The following RASGEF1C variants were observed in gnomAD, a reference collection of about 807,000 sequenced individuals.
RASGEF1C encodes the protein ras-GEF domain-containing family member 1C.
A neutral mutation model predicts 58.1 loss-of-function variants in RASGEF1C; 27 were observed. The observed-to-expected ratio is 0.46, with a 90% CI of 0.34 to 0.64. The LOEUF (loss-of-function observed/expected upper bound fraction) is 0.64. RASGEF1C is among the 30% of genes least tolerant of loss of function. The pLI is 0.01. For missense variants in RASGEF1C, 502 were observed against 605.1 expected, an observed-to-expected ratio of 0.83 and a Z score of 1.79; for synonymous variants, 243 against 246.3, an observed-to-expected ratio of 0.99 and a Z score of 0.13.
At chr5:180,109,207 A>C (rs948421433) in intron 12 of RASGEF1C, among the ~76,000 whole-genome samples, 73 of 152,314 alleles carry the variant, frequency 4.8e-4, no homozygotes, top group African/African-American at 1.6e-3. Flanking sequence ...CTGTAATCCC[A>C]GCACTTTGGG....
rs188134593 is a variant in RASGEF1C at position 180,202,160 on chromosome 5, G to A, written c.-7+6868C>T. Among the ~76,000 whole-genome samples, 50 of 152,198 alleles carry A rather than the reference G, an allele frequency of 3.3e-4. 1 individual carries two copies. The East Asian group carries it at 9.5e-3, about 29-fold the overall frequency. Reference sequence around the variant, plus strand: ...ACTGAATTAGAAAATCTCTTAGGGAGAACAGATTTGACTAAAAGCTTAATA... The same window carrying A: ...ACTGAATTAGAAAATCTCTTAGGGAAAACAGATTTGACTAAAAGCTTAATA... On this transcript the variant is annotated intron_variant, in intron 1 of 13. Coordinates refer to ENST00000361132, the MANE Select transcript of RASGEF1C (RefSeq NM_175062.4).
intron 1 of RASGEF1C, among the ~76,000 whole-genome samples, chr5:180,204,412 C>A (rs1365295955): frequency 1.3e-5 from 2 of 152,164 alleles, no homozygotes; most frequent in Non-Finnish European, 2.9e-5. Flanking sequence ...GCAAAGATGG[C>A]CTAGTGTTAA....
chr5:180,127,773 G>T (rs1051302991), intron 5 of RASGEF1C, 90 bp from the exon 6 acceptor site: 23 of 1,222,804 alleles, frequency 1.9e-5, no homozygotes, highest in Non-Finnish European at 2.6e-5. Flanking sequence ...CCAGCCCCTA[G>T]TCCTCCTCAC....
At chr5:180,208,470 G>A (rs919080999) in intron 1 of RASGEF1C, among the ~76,000 whole-genome samples, 1 of 152,104 alleles carries the variant, frequency 6.6e-6, no homozygotes, top group African/African-American at 2.4e-5. Context: ...GCCGTCCGCT[G>A]TCACTGCGTG....
At chr5:180,121,334 G>C (rs1766164552) in intron 6 of RASGEF1C, among the ~76,000 whole-genome samples, 185 bp from the exon 7 acceptor site, 1 of 147,374 alleles carries the variant, frequency 6.8e-6, no homozygotes, top group Admixed American at 6.7e-5. Flanking sequence ...TTTTTTTTGA[G>C]ACGGAGTCCC....
chr5:180,113,589 T>C (rs111161631), intron 11 of RASGEF1C, among the ~76,000 whole-genome samples: 836 of 36,390 alleles, frequency 0.023, 76 homozygotes, highest in African/African-American at 0.099. Flanking sequence ...GACGGAGGGA[T>C]CGGGGATGGA....
At chr5:180,113,245 G>A (rs1272417226) in intron 11 of RASGEF1C, among the ~76,000 whole-genome samples, 1 of 60,770 alleles carries the variant, frequency 1.6e-5, no homozygotes. Context: ...TGGACGGAGG[G>A]ACCGAGGATG....
chr5:180,114,575 G>T, intron 10 of RASGEF1C, 34 bp from the exon 11 acceptor site: 4 of 1,585,358 alleles, frequency 2.5e-6, no homozygotes, highest in Non-Finnish European at 3.4e-6. Flanking sequence ...GGCCCCAGCC[G>T]GCCCTCCACA....
chr5:180,119,992 A>G (rs1766140631), intron 7 of RASGEF1C, among the ~76,000 whole-genome samples: 1 of 152,126 alleles, frequency 6.6e-6, no homozygotes, highest in African/African-American at 2.4e-5. Context: ...CCTGGGCTGC[A>G]GCTGGCTCCC....
chr5:180,180,663 A>C (rs1171534512), intron 1 of RASGEF1C, among the ~76,000 whole-genome samples: 2 of 152,244 alleles, frequency 1.3e-5, no homozygotes, highest in Non-Finnish European at 1.5e-5. Context: ...ACCCATTGCC[A>C]CAAGCAGGGG....
intron 1 of RASGEF1C, among the ~76,000 whole-genome samples, chr5:180,173,270 C>A (rs1767142395): frequency 6.6e-6 from 1 of 152,222 alleles, no homozygotes; most frequent in Non-Finnish European, 1.5e-5. Context: ...GTTTGTTGGC[C>A]AGAACCAAGG....
intron 1 of RASGEF1C, among the ~76,000 whole-genome samples, chr5:180,171,521 T>C (rs900232776): frequency 5.9e-5 from 9 of 152,006 alleles, no homozygotes; most frequent in Non-Finnish European, 1.0e-4. Context: ...CACGTGTGGA[T>C]TGTCTGTTCC....
intron 1 of RASGEF1C, among the ~76,000 whole-genome samples, chr5:180,184,182 TAA>T (rs1755985109): frequency 7.0e-6 from 1 of 142,216 alleles, no homozygotes; most frequent in Admixed American, 6.8e-5. Flanking sequence ...TAAATAAAAA[TAA>T]ATAAATAAAT....
chr5:180,154,340 T>C (rs1004715007), intron 1 of RASGEF1C, among the ~76,000 whole-genome samples: 1 of 152,054 alleles, frequency 6.6e-6, no homozygotes, highest in African/African-American at 2.4e-5. Flanking sequence ...GGCTCCTGGG[T>C]GAGGCACCTG....
At chr5:180,111,687 T>C (rs1765962446) in intron 11 of RASGEF1C, 107 bp from the exon 12 acceptor site, 3 of 1,286,088 alleles carry the variant, frequency 2.3e-6, no homozygotes, top group Non-Finnish European at 3.3e-6. Flanking sequence ...CCAGTGGCTT[T>C]AGGGCTCTGA....
intron 6 of RASGEF1C, among the ~76,000 whole-genome samples, chr5:180,124,728 G>A (rs945128758): frequency 2.6e-5 from 4 of 152,292 alleles, no homozygotes; most frequent in African/African-American, 9.6e-5. Context: ...GAAGGCTGAG[G>A]CAGGAGAATC....
chr5:180,203,149 T>C (rs529959824), intron 1 of RASGEF1C, among the ~76,000 whole-genome samples: 1 of 152,212 alleles, frequency 6.6e-6, no homozygotes, highest in South Asian at 2.1e-4. Context: ...CGGCATGAGC[T>C]CTACCTCTTG....
intron 1 of RASGEF1C, among the ~76,000 whole-genome samples, chr5:180,202,798 G>A (rs1377486459): frequency 2.6e-5 from 4 of 151,952 alleles, no homozygotes; most frequent in African/African-American, 9.7e-5. Context: ...CGCCTCCCGG[G>A]TTCACGCCAT....
At chr5:180,145,714 C>T (rs1026072771) in intron 1 of RASGEF1C, among the ~76,000 whole-genome samples, 1 of 152,130 alleles carries the variant, frequency 6.6e-6, no homozygotes, top group South Asian at 2.1e-4. Context: ...ATGTAATTAC[C>T]CCACCCCTGA....
Sources: gnomAD v4.1 joint callset for allele counts (sites outside exome capture counted in the v4.1 genomes callset) on GRCh38, gnomAD v4.1.1 for gene constraint, MANE v1.5 for transcripts, NCBI Gene and HGNC (gene_info 2026-07-23, HGNC 2026-07-21) for gene names.